The following SEC11C variants were observed in gnomAD, a reference collection of about 807,000 sequenced individuals.
SEC11C encodes SEC11 homolog C, signal peptidase complex subunit.
In SEC11C, 10 loss-of-function variants were observed where a neutral mutation model predicts 21.9. That is an observed-to-expected ratio of 0.46 (90% CI 0.28 to 0.77). SEC11C has a LOEUF of 0.77. Ranked by LOEUF, SEC11C falls within the 30% of genes least tolerant of loss-of-function variation. The pLI, the probability that SEC11C is intolerant of heterozygous loss-of-function variation, is 0.12. For missense variants in SEC11C, 145 were observed against 244.5 expected, an observed-to-expected ratio of 0.59 and a Z score of 2.71; for synonymous variants, 83 against 85.6, an observed-to-expected ratio of 0.97 and a Z score of 0.17.
intron 3 of SEC11C, among the ~76,000 whole-genome samples, chr18:59,154,207 A>G (rs575707673): frequency 2.6e-5 from 4 of 152,156 alleles, no homozygotes; most frequent in Admixed American, 1.3e-4. Flanking sequence ...CTGACTTACA[A>G]TTAATTTCTA....
At chr18:59,158,590 T>G in intron 5 of SEC11C, 42 bp from the exon 6 acceptor site, 3 of 1,564,496 alleles carry the variant, frequency 1.9e-6, no homozygotes, top group Non-Finnish European at 2.6e-6. Context: ...CCAAATTTCT[T>G]TGTAGACCTC....
At chr18:59,151,133 A>G (rs2069347183) in intron 2 of SEC11C, among the ~76,000 whole-genome samples, 2 of 152,182 alleles carry the variant, frequency 1.3e-5, no homozygotes, top group South Asian at 4.1e-4. Flanking sequence ...CTGATAGGAC[A>G]TGATAATGAC....
At chr18:59,145,294 C>A (rs1014265811) in intron 1 of SEC11C, among the ~76,000 whole-genome samples, 1 of 152,238 alleles carries the variant, frequency 6.6e-6, no homozygotes, top group Non-Finnish European at 1.5e-5. Context: ...ATTGGCAGGG[C>A]TGAGTAGTTT....
intron 1 of SEC11C, among the ~76,000 whole-genome samples, chr18:59,146,477 A>G (rs1297294281): frequency 2.6e-5 from 4 of 152,106 alleles, no homozygotes; most frequent in Non-Finnish European, 5.9e-5. Context: ...GTAGAGGAGG[A>G]GCAACTGGCA....
At position 59,155,844 on chromosome 18, in the gene SEC11C, A is replaced by G. The variant is rs759998066; in HGVS notation, c.467+37A>G. 39 of 1,605,298 alleles carry G rather than the reference A, an allele frequency of 2.4e-5. No individual in the cohort carries two copies. The Middle Eastern group carries it at 1.2e-3, about 47-fold the overall frequency. Reference sequence around the variant, plus strand: ...CCTTTAAGTTATATAGAAGGTTATGAAAAACACTTAGAAATGAAGAAATTA... The same window carrying G: ...CCTTTAAGTTATATAGAAGGTTATGGAAAACACTTAGAAATGAAGAAATTA... On this transcript the variant is annotated intron_variant, in intron 4 of 5. Coordinates refer to ENST00000587834, the MANE Select transcript of SEC11C (RefSeq NM_033280.4).
chr18:59,158,070 T>A (rs561053019), intron 5 of SEC11C, among the ~76,000 whole-genome samples: 15 of 152,014 alleles, frequency 9.9e-5, no homozygotes, highest in African/African-American at 3.6e-4. Flanking sequence ...ATATATATAT[T>A]TTTTGGACGG....
rs34093810 is a variant in SEC11C at position 59,151,319 on chromosome 18, CTT to C, written c.198-1203_198-1202del. 7.0e-3 allele frequency among the ~76,000 whole-genome samples: 1,017 copies of C among 145,704 alleles called. 5 individuals carry two copies. Among genetic ancestry groups the C allele is most frequent in the East Asian group, 0.031 (155 of 5,054 alleles). On this transcript the variant is annotated intron_variant, in intron 2 of 5. Transcript: ENST00000587834. Reference sequence around the variant, plus strand: ...GATGAAATTATCTTAAGCATTTTAGCTTTTTTTTTTTTTTTAACACTGAAACA... The same window carrying C: ...GATGAAATTATCTTAAGCATTTTAGCTTTTTTTTTTTTTAACACTGAAACA...
At chr18:59,140,604 C>T (rs2069198686) in intron 1 of SEC11C, among the ~76,000 whole-genome samples, 1 of 152,228 alleles carries the variant, frequency 6.6e-6, no homozygotes, top group Non-Finnish European at 1.5e-5. Context: ...TGTGCGCAAT[C>T]ATTGTGGACT....
chr18:59,155,970 T>A, intron 4 of SEC11C, 163 bp downstream of exon 4: 1 of 742,992 alleles, frequency 1.3e-6, no homozygotes, highest in Non-Finnish European at 2.1e-6. Flanking sequence ...ACTTAGAAAT[T>A]CCTAAAGACC....
At chr18:59,147,934 G>A (rs910101391) in intron 1 of SEC11C, 1 of 152,328 alleles carries the variant, frequency 6.6e-6, no homozygotes, top group African/African-American at 2.4e-5. Context: ...GACCTCAGAT[G>A]TACACAGAAC....
At position 59,143,165 on chromosome 18, in the gene SEC11C, C is replaced by T. The variant is rs555701545; in HGVS notation, c.87+3130C>T. On this transcript the variant is annotated intron_variant, in intron 1 of 5. Coordinates refer to ENST00000587834, the MANE Select transcript of SEC11C (RefSeq NM_033280.4). ...GTCAGGAGTTCAAAACCAGCCTGGC[C>T]AACATGGTGAAGCCCCGTCTCTACT... is the stretch of plus-strand genomic sequence containing the variant. Among the ~76,000 whole-genome samples the T allele has an allele frequency of 3.0e-3, 450 of 152,046 alleles. 2 individuals carry two copies. Among genetic ancestry groups the T allele is most frequent in the African/African-American group, 0.01 (433 of 41,462 alleles).
intron 2 of SEC11C, among the ~76,000 whole-genome samples, chr18:59,152,211 A>G (rs1054784217): frequency 7.2e-6 from 1 of 138,954 alleles, no homozygotes; most frequent in African/African-American, 3.0e-5. Context: ...TCTGGAGGAA[A>G]ACACTACTAT....
rs185612326 is a variant in SEC11C, at chr18:59,142,102, A to G, written c.87+2067A>G. Reference sequence around the variant, plus strand: ...AGTCAGCTTGTCAGTAGTTCAATCAAAATTACTTTTCTGGATTCCAGGATT... The same window carrying G: ...AGTCAGCTTGTCAGTAGTTCAATCAGAATTACTTTTCTGGATTCCAGGATT... On this transcript the variant is annotated intron_variant, in intron 1 of 5. Transcript: ENST00000587834. 3.9e-5 allele frequency among the ~76,000 whole-genome samples: 6 copies of G among 152,292 alleles called. No individual in the cohort carries two copies. In the East Asian group the frequency reaches 1.2e-3, roughly 29 times the overall value.
chr18:59,149,821 C>T (rs570080414), intron 2 of SEC11C, among the ~76,000 whole-genome samples, 199 bp downstream of exon 2: 59 of 152,200 alleles, frequency 3.9e-4, no homozygotes, highest in Admixed American at 5.2e-4. Flanking sequence ...TCTCATCTTT[C>T]TTAGTAGACA....
chr18:59,155,020 G>A (rs1296734438), intron 3 of SEC11C, among the ~76,000 whole-genome samples: 1 of 152,158 alleles, frequency 6.6e-6, no homozygotes, highest in African/African-American at 2.4e-5. Flanking sequence ...AGCTGAGATC[G>A]CACCAAGGCA....
intron 4 of SEC11C, 116 bp downstream of exon 4, chr18:59,155,923 T>G: frequency 8.1e-7 from 1 of 1,240,272 alleles, no homozygotes; most frequent in South Asian, 1.3e-5. Context: ...AGGAGAGTTT[T>G]AAGCAGTTCT....
chr18:59,141,721 C>A (rs2069213200), intron 1 of SEC11C, among the ~76,000 whole-genome samples: 2 of 151,454 alleles, frequency 1.3e-5, no homozygotes, highest in Admixed American at 6.6e-5. Flanking sequence ...CTTTGTCAGG[C>A]CTGCATGCTC....
At chr18:59,158,510 G>C in intron 5 of SEC11C, 122 bp from the exon 6 acceptor site, 1 of 774,642 alleles carries the variant, frequency 1.3e-6, no homozygotes, top group Non-Finnish European at 2.2e-6. Context: ...AGCCATGGGG[G>C]GAAGAGGTAA....
chr18:59,152,918 A>C (rs1459636046), intron 3 of SEC11C: 2 of 337,808 alleles, frequency 5.9e-6, no homozygotes, highest in African/African-American at 4.2e-5. Flanking sequence ...TACTAAAGCA[A>C]TTCATAAACT....
Sources: allele counts gnomAD v4.1 joint callset (sites outside exome capture counted in the v4.1 genomes callset), GRCh38; gene constraint gnomAD v4.1.1; transcripts MANE v1.5; gene names NCBI Gene and HGNC (gene_info 2026-07-23, HGNC 2026-07-21).